The following FLACC1 variants were observed in gnomAD, a reference collection of about 807,000 sequenced individuals.
FLACC1 encodes flagellum-associated coiled-coil domain-containing protein 1.
A neutral mutation model predicts 62.8 loss-of-function variants in FLACC1; 66 were observed. The observed-to-expected ratio is 1.05, with a 90% confidence interval of 0.86 to 1.29. FLACC1 has a LOEUF of 1.29. FLACC1 is among the 50% of genes most tolerant of loss of function. The pLI is 0.00. For missense variants in FLACC1, 452 were observed against 489.1 expected, an observed-to-expected ratio of 0.92 and a Z score of 0.71; for synonymous variants, 156 against 161.0, an observed-to-expected ratio of 0.97 and a Z score of 0.24.
chr2:201,292,787 CAG>C (rs1389416108), intron 12 of FLACC1, among the ~76,000 whole-genome samples: 5 of 152,104 alleles, frequency 3.3e-5, no homozygotes, highest in Non-Finnish European at 7.3e-5. Context: ...ACCTTACATG[CAG>C]AGACACACAG....
chr2:201,335,193 G>T (rs1284370326), intron 7 of FLACC1, among the ~76,000 whole-genome samples: 1 of 151,802 alleles, frequency 6.6e-6, no homozygotes, highest in Non-Finnish European at 1.5e-5. Context: ...TCTTAGTTTA[G>T]CTAAAGGTTT....
upstream of FLACC1, among the ~76,000 whole-genome samples, chr2:201,361,032 C>T (rs1330177764): frequency 2.0e-5 from 3 of 152,056 alleles, no homozygotes; most frequent in Non-Finnish European, 2.9e-5. Context: ...GAGCCAAGAT[C>T]GTGCCACTGC....
At chr2:201,336,761 A>G (rs772863614) in intron 7 of FLACC1, among the ~76,000 whole-genome samples, 33 of 152,128 alleles carry the variant, frequency 2.2e-4, no homozygotes, top group Non-Finnish European at 4.0e-4. Flanking sequence ...TTACATTTCC[A>G]CCAACAGTAT....
At chr2:201,358,577 C>T (rs562438239), upstream of FLACC1, among the ~76,000 whole-genome samples, 211 of 151,812 alleles carry the variant, frequency 1.4e-3, 1 homozygote, top group Middle Eastern at 0.01. Context: ...CCACTACGCC[C>T]GGCTAATTTT....
chr2:201,290,909 GC>G (rs1559381941), intron 12 of FLACC1, among the ~76,000 whole-genome samples: 1 of 152,132 alleles, frequency 6.6e-6, no homozygotes, highest in African/African-American at 2.4e-5. Flanking sequence ...AAGGTCCTAC[GC>G]CCACGGAGCC....
At chr2:201,295,459 T>G (rs1294129240) in intron 12 of FLACC1, among the ~76,000 whole-genome samples, 1 of 152,214 alleles carries the variant, frequency 6.6e-6, no homozygotes, top group Non-Finnish European at 1.5e-5. Context: ...GCTAGTCATA[T>G]GTAGAAAGCT....
At chr2:201,338,609 TA>T (rs1950742764) in intron 7 of FLACC1, among the ~76,000 whole-genome samples, 1 of 152,220 alleles carries the variant, frequency 6.6e-6, no homozygotes, top group Non-Finnish European at 1.5e-5. Context: ...TTTTATTTTT[TA>T]ATCATGAAGC....
intron 9 of FLACC1, among the ~76,000 whole-genome samples, chr2:201,312,162 T>C (rs1474394697): frequency 6.6e-6 from 1 of 152,224 alleles, no homozygotes; most frequent in Non-Finnish European, 1.5e-5. Context: ...GATAACATAA[T>C]TGCATACCTA....
chr2:201,307,645 C>A, intron 10 of FLACC1, 23 bp from the exon 11 acceptor site: 1 of 1,523,036 alleles, frequency 6.6e-7, no homozygotes, highest in Non-Finnish European at 9.1e-7. Flanking sequence ...CAGGAAAGCA[C>A]ATATATGTGT....
At chr2:201,348,641 T>A (rs775559912) in intron 3 of FLACC1, among the ~76,000 whole-genome samples, 1 of 151,824 alleles carries the variant, frequency 6.6e-6, no homozygotes, top group African/African-American at 2.4e-5. Context: ...ACCACCCCCT[T>A]ACACACAAAC....
intron 1 of FLACC1, among the ~76,000 whole-genome samples, chr2:201,354,088 A>G (rs1414370648): frequency 6.6e-6 from 1 of 152,246 alleles, no homozygotes; most frequent in Non-Finnish European, 1.5e-5. Flanking sequence ...CTTTGTCTCC[A>G]ACACGACTGA....
chr2:201,347,158 C>T (rs1448640698), intron 4 of FLACC1, among the ~76,000 whole-genome samples: 8 of 152,214 alleles, frequency 5.3e-5, no homozygotes, highest in Non-Finnish European at 1.2e-4. Context: ...ATGACTAGGA[C>T]GGTTGCAAAC....
At chr2:201,342,229 C>T (rs912060721) in intron 7 of FLACC1, 141 bp downstream of exon 7, 17 of 754,324 alleles carry the variant, frequency 2.3e-5, no homozygotes, top group African/African-American at 5.2e-5. Context: ...TTCAAAGACA[C>T]GTGTCTTGTT....
chr2:201,325,357 C>A (rs572892189), intron 9 of FLACC1, among the ~76,000 whole-genome samples: 23 of 151,720 alleles, frequency 1.5e-4, no homozygotes, highest in Admixed American at 1.2e-3. Flanking sequence ...ATAAAAAGAT[C>A]AATGAAACAA....
chr2:201,336,136 T>C (rs1397103790), intron 7 of FLACC1, among the ~76,000 whole-genome samples: 4 of 151,978 alleles, frequency 2.6e-5, no homozygotes, highest in Non-Finnish European at 5.9e-5. Flanking sequence ...TGATAGGTTG[T>C]TCTTGAACCC....
At chr2:201,335,457 T>C (rs13418931) in intron 7 of FLACC1, among the ~76,000 whole-genome samples, 4,285 of 152,276 alleles carry the variant, frequency 0.028, 204 homozygotes, top group African/African-American at 0.096. Flanking sequence ...CCAGTGTGTG[T>C]TCTTGGCACC....
At chr2:201,348,163 A>G (rs185353593) in intron 4 of FLACC1, 91 bp downstream of exon 4, 8 of 1,274,744 alleles carry the variant, frequency 6.3e-6, no homozygotes, top group Middle Eastern at 3.9e-4. Flanking sequence ...AGATTCGACA[A>G]GGTAAGTATA....
intron 9 of FLACC1, among the ~76,000 whole-genome samples, chr2:201,318,299 GCAAA>G (rs1950340113): frequency 6.6e-6 from 1 of 152,164 alleles, no homozygotes; most frequent in Non-Finnish European, 1.5e-5. Flanking sequence ...AGTCATCAGA[GCAAA>G]CAGACAACCC....
intron 9 of FLACC1, among the ~76,000 whole-genome samples, chr2:201,322,585 A>G (rs1050351124): frequency 4.6e-5 from 7 of 152,192 alleles, no homozygotes; most frequent in African/African-American, 1.7e-4. Flanking sequence ...AAAAAGAAAC[A>G]CAGTCAAATC....
Sources: allele counts gnomAD v4.1 joint callset (sites outside exome capture counted in the v4.1 genomes callset), GRCh38; gene constraint gnomAD v4.1.1; transcripts MANE v1.5; gene names NCBI Gene and HGNC (gene_info 2026-07-23, HGNC 2026-07-21).